TMEM132D: variants seen among roughly 807,000 people sequenced by gnomAD.
The protein encoded by TMEM132D is transmembrane protein 132D, also known as mature OL transmembrane protein.
Under a neutral mutation model 62.3 loss-of-function variants are expected in TMEM132D, and 21 were observed. The ratio of observed to expected loss-of-function variants is 0.34; its 90% confidence interval spans 0.24 to 0.49. The LOEUF (loss-of-function observed/expected upper bound fraction) is 0.49, where lower values mean the gene tolerates loss of function less well. TMEM132D is among the 20% of genes least tolerant of loss of function. TMEM132D has a pLI of 0.99. For missense variants in TMEM132D, 1,346 were observed against 1,402.8 expected, an observed-to-expected ratio of 0.96 and a Z score of 0.65; for synonymous variants, 621 against 575.6, an observed-to-expected ratio of 1.08 and a Z score of -1.13.
chr12:129,306,796 T>C (rs1881855595), intron 4 of TMEM132D, among the ~76,000 whole-genome samples: 1 of 152,138 alleles, frequency 6.6e-6, no homozygotes, highest in Non-Finnish European at 1.5e-5. Context: ...AAATGCTGAC[T>C]TAGGAAATCA....
chr12:129,643,565 C>T (rs1431855585), intron 2 of TMEM132D, among the ~76,000 whole-genome samples: 1 of 152,162 alleles, frequency 6.6e-6, no homozygotes, highest in Non-Finnish European at 1.5e-5. Context: ...GGACACAATT[C>T]TGTGAAAGGA....
At chr12:129,416,331 G>T (rs1339624622) in intron 3 of TMEM132D, among the ~76,000 whole-genome samples, 3 of 152,174 alleles carry the variant, frequency 2.0e-5, no homozygotes, top group Non-Finnish European at 4.4e-5. Flanking sequence ...GTGAATGGGA[G>T]TTCACTCATG....
At chr12:129,204,095 C>G (rs558566281) in intron 5 of TMEM132D, among the ~76,000 whole-genome samples, 22 of 152,280 alleles carry the variant, frequency 1.4e-4, no homozygotes, top group African/African-American at 5.3e-4. Flanking sequence ...AGAGCAAACA[C>G]AAAAACTCTG....
intron 5 of TMEM132D, chr12:129,111,144 G>A (rs1234183396): frequency 6.6e-6 from 1 of 152,316 alleles, no homozygotes; most frequent in Non-Finnish European, 1.5e-5. Context: ...AGGAAAGTAA[G>A]ACTATGCAGT....
chr12:129,653,273 C>T (rs1475190920), intron 2 of TMEM132D, among the ~76,000 whole-genome samples: 2 of 152,150 alleles, frequency 1.3e-5, no homozygotes, highest in African/African-American at 2.4e-5. Context: ...AGGCAGAGAT[C>T]ACATGCCAGG....
intron 1 of TMEM132D, among the ~76,000 whole-genome samples, chr12:129,769,084 A>G (rs1870645737): frequency 6.6e-6 from 1 of 152,202 alleles, no homozygotes; most frequent in African/African-American, 2.4e-5. Flanking sequence ...CACAGTTTGA[A>G]GAGAAGATTT....
intron 3 of TMEM132D, among the ~76,000 whole-genome samples, chr12:129,500,840 AC>A (rs1344873810): frequency 1.3e-5 from 2 of 152,192 alleles, no homozygotes; most frequent in African/African-American, 4.8e-5. Flanking sequence ...TGCACCGATG[AC>A]CCCAGTCCTT....
At chr12:129,645,536 T>G (rs970408611) in intron 2 of TMEM132D, among the ~76,000 whole-genome samples, 1 of 152,234 alleles carries the variant, frequency 6.6e-6, no homozygotes, top group Non-Finnish European at 1.5e-5. Context: ...CCAATTTCTA[T>G]GGCCCTCACA....
At chr12:129,095,142 C>T (rs1373456425) in intron 5 of TMEM132D, among the ~76,000 whole-genome samples, 1 of 151,812 alleles carries the variant, frequency 6.6e-6, no homozygotes, top group Non-Finnish European at 1.5e-5. Context: ...TGTAACTAAC[C>T]TGCATGTTGT....
intron 2 of TMEM132D, among the ~76,000 whole-genome samples, chr12:129,559,204 T>C (rs1566109719): frequency 6.6e-6 from 1 of 152,176 alleles, no homozygotes. Flanking sequence ...ATAAAGTAGG[T>C]ACAAAGGCAA....
At chr12:129,172,683 A>T (rs1290168053) in intron 5 of TMEM132D, among the ~76,000 whole-genome samples, 1 of 152,170 alleles carries the variant, frequency 6.6e-6, no homozygotes, top group Non-Finnish European at 1.5e-5. Flanking sequence ...GGTTCAAGTG[A>T]TTCTCCTGCC....
intron 2 of TMEM132D, among the ~76,000 whole-genome samples, chr12:129,602,042 T>C (rs1247709066): frequency 6.6e-6 from 1 of 152,212 alleles, no homozygotes; most frequent in African/African-American, 2.4e-5. Flanking sequence ...TTGAGTGGTA[T>C]AATAATGATT....
intron 3 of TMEM132D, among the ~76,000 whole-genome samples, chr12:129,436,778 A>G (rs754673721): frequency 1.1e-4 from 17 of 152,212 alleles, no homozygotes; most frequent in Admixed American, 7.2e-4. Flanking sequence ...ATAATGGTAC[A>G]CATACATGTA....
rs113336899 is a variant in TMEM132D, at chr12:129,727,833, GA to G, written c.80-27136del. On this transcript the variant is annotated intron_variant, in intron 1 of 8. Coordinates refer to ENST00000422113, the MANE Select transcript of TMEM132D (RefSeq NM_133448.3). The stretch of plus-strand genomic sequence containing the variant: ...AAGCCTTACATATATTTTGAATGAT[GA>G]AAAAAAAATGCTAAGCTTACTGAGC... 7.2e-3 allele frequency among the ~76,000 whole-genome samples: 1,091 copies of G among 150,666 alleles called. 16 individuals are homozygous for G. Among genetic ancestry groups the G allele is most frequent in the African/African-American group, 0.025 (1,016 of 41,038 alleles).
intron 5 of TMEM132D, among the ~76,000 whole-genome samples, chr12:129,146,738 C>T (rs1454505566): frequency 6.6e-6 from 1 of 152,204 alleles, no homozygotes; most frequent in African/African-American, 2.4e-5. Flanking sequence ...CTCCAGATCT[C>T]AGCCTATGTT....
At chr12:129,682,082 T>C (rs777851254) in intron 2 of TMEM132D, among the ~76,000 whole-genome samples, 8 of 152,206 alleles carry the variant, frequency 5.3e-5, no homozygotes, top group Non-Finnish European at 1.2e-4. Context: ...TTGACCATGG[T>C]CCTCTTTTTG....
intron 2 of TMEM132D, among the ~76,000 whole-genome samples, chr12:129,647,063 G>A (rs1271509801): frequency 6.6e-6 from 1 of 151,626 alleles, no homozygotes; most frequent in African/African-American, 2.4e-5. Flanking sequence ...GCCTCCCAAA[G>A]TGCTGAGATT....
At chr12:129,578,600 A>G (rs937728159) in intron 2 of TMEM132D, among the ~76,000 whole-genome samples, 2 of 152,084 alleles carry the variant, frequency 1.3e-5, no homozygotes, top group African/African-American at 4.8e-5. Context: ...GGCCCACACA[A>G]TATGGAGGCT....
chr12:129,523,754 G>A (rs1477921696), intron 3 of TMEM132D, among the ~76,000 whole-genome samples: 4 of 152,118 alleles, frequency 2.6e-5, no homozygotes, highest in African/African-American at 7.2e-5. Context: ...TTGAATGAGC[G>A]TCAGGAAATG....
Sources: allele counts gnomAD v4.1 joint callset (sites outside exome capture counted in the v4.1 genomes callset), GRCh38; gene constraint gnomAD v4.1.1; transcripts MANE v1.5; gene names NCBI Gene and HGNC (gene_info 2026-07-23, HGNC 2026-07-21).